The following LOXHD1 variants were observed in gnomAD, a reference collection of about 807,000 sequenced individuals.
LOXHD1 encodes the protein lipoxygenase homology domain-containing protein 1.
In LOXHD1, 205 loss-of-function variants were observed where a neutral mutation model predicts 248.2. The observed-to-expected ratio is 0.83, with a 90% CI of 0.74 to 0.93. LOXHD1 has a LOEUF of 0.93. LOXHD1 is among the 40% of genes least tolerant of loss of function. The pLI is 0.00. For missense variants in LOXHD1, 2,930 were observed against 2,971.6 expected (o/e 0.99, Z 0.33); for synonymous variants, 1,113 against 1,162.8 (o/e 0.96, Z 0.87).
intron 2 of LOXHD1, among the ~76,000 whole-genome samples, chr18:46,642,631 G>T (rs2038977495): frequency 6.6e-6 from 1 of 152,236 alleles, no homozygotes; most frequent in South Asian, 2.1e-4. Context: ...TCCTGCAAAT[G>T]GTGTGAACAG....
chr18:46,592,276 C>A (rs998417331), intron 11 of LOXHD1, among the ~76,000 whole-genome samples: 2 of 53,618 alleles, frequency 3.7e-5, no homozygotes, highest in Admixed American at 2.7e-4. Context: ...GGGCAGAATG[C>A]AAGCCCCCCA....
Position 46,485,139 on chromosome 18 carries a change from A to G in LOXHD1, c.6062T>C (p.Val2021Ala). Residue 2021 changes from valine (V) to alanine (A), a missense_variant, in exon 39 of 41, where the codon GTC (valine) becomes GCC (alanine). Transcript: ENST00000642948. ...TTCGCCTCCGTTGCCCGTTTCTATG[A>G]CGATCTCGTAGGCTGTAATGGAGGA... is the stretch of plus-strand genomic sequence containing the variant. ...DELEETTYEIVIETGNGGETR... is the reference protein window; with the variant it reads ...DELEETTYEIAIETGNGGETR... 6.5e-7 allele frequency: 1 copy of G among 1,548,764 alleles called. No homozygotes were observed. Among genetic ancestry groups the G allele is most frequent in the African/African-American group, 1.4e-5 (1 of 71,976 alleles).
intron 23 of LOXHD1, chr18:46,544,683 C>T: frequency 2.7e-6 from 1 of 376,970 alleles, no homozygotes; most frequent in Non-Finnish European, 5.5e-6. Context: ...CCCAATGTCA[C>T]ACAGCTAATA....
At chr18:46,625,847 C>T (rs1462573941) in intron 4 of LOXHD1, among the ~76,000 whole-genome samples, 2 of 152,154 alleles carry the variant, frequency 1.3e-5, no homozygotes, top group South Asian at 4.1e-4. Flanking sequence ...TTTCCTGCCT[C>T]TCTACGGAAG....
intron 26 of LOXHD1, among the ~76,000 whole-genome samples, chr18:46,535,395 G>GAA (rs1223192252): frequency 6.8e-6 from 1 of 148,114 alleles, no homozygotes; most frequent in African/African-American, 2.5e-5. Context: ...AAAGTCCCCT[G>GAA]AAAAAAAAAA....
intron 1 of LOXHD1, among the ~76,000 whole-genome samples, chr18:46,650,273 G>T (rs1019816902): frequency 1.3e-5 from 2 of 152,178 alleles, no homozygotes; most frequent in Non-Finnish European, 2.9e-5. Context: ...GTACATGTCT[G>T]TACCAAAGTA....
chr18:46,483,691 G>A lies in LOXHD1; in HGVS notation c.6237C>T (p.Ser2079=). 6.4e-7 allele frequency: 1 copy of A among 1,551,764 alleles called. No homozygotes were observed. The highest frequency in any genetic ancestry group is 8.7e-7 in the Non-Finnish European group (1 of 1,147,008). The part of the protein sequence containing the change: ...FDSIYLGDIA[S]LCVGHLARED... ...CCCTGGCAAGGTGGCCCACACAGAG[G>A]GAGGCAATGTCCCCCAAGTAGATGC... is the stretch of plus-strand genomic sequence containing the variant. The change falls in exon 40 of 41, where the codon TCC becomes TCT. Residue 2079 remains serine, a synonymous_variant. Transcript: ENST00000642948.
At position 46,655,169 on chromosome 18, in the gene LOXHD1, C is replaced by T. The variant is rs866592519; in HGVS notation, c.130+1735G>A. Among the ~76,000 whole-genome samples, 4 of 152,250 alleles carry T rather than the reference C, an allele frequency of 2.6e-5. No individual in the cohort carries two copies. The Middle Eastern group carries it at 0.014, about 518-fold the overall frequency. ...TCATGAGATGAAATGGGGCGCTTGC[C>T]TCGAAAAAGATATTTGAGGTTCTTG... On this transcript the variant is annotated intron_variant, in intron 1 of 40. Transcript: ENST00000642948.
chr18:46,537,658 A>G (rs1433799404), intron 26 of LOXHD1, among the ~76,000 whole-genome samples: 1 of 152,172 alleles, frequency 6.6e-6, no homozygotes, highest in Non-Finnish European at 1.5e-5. Context: ...CAGCACCTCC[A>G]TTGTCAAGAC....
In LOXHD1 at chr18:46,477,790, T is replaced by C. The variant is rs955461617; in HGVS notation, c.6504A>G (p.Ala2168=). ...VIVTTGYEPG[A]GTDANVFVTI... is the part of the protein sequence containing the mutation. ...TCACGAAGACGTTGGCATCAGTGCC[T>C]GCCCCTGGCTCATAGCCTGTTGTCA... The change falls in exon 41 of 41, where the codon GCA becomes GCG. Residue 2168 remains alanine (A), a synonymous_variant. Transcript: ENST00000642948. 10 of 1,551,754 alleles carry C rather than the reference T, an allele frequency of 6.4e-6. No homozygotes were observed. The highest frequency in any genetic ancestry group is 8.7e-6 in the Non-Finnish European group (10 of 1,147,046).
chr18:46,577,719 A>G lies in LOXHD1; in HGVS notation c.1958T>C (p.Phe653Ser). 1 of 1,551,226 alleles carries G rather than the reference A, an allele frequency of 6.4e-7. No individual in the cohort carries two copies. Among genetic ancestry groups the G allele is most frequent in the Non-Finnish European group, 8.7e-7 (1 of 1,146,610 alleles). ...EGQPESDNVE[F>S]PCLRWLDKDK... Reference sequence around the variant, plus strand: ...AGGACGCATGTACCTGAGACATGGGAACTCCACGTTGTCGCTCTCAGGCTG... The same window carrying G: ...AGGACGCATGTACCTGAGACATGGGGACTCCACGTTGTCGCTCTCAGGCTG... Residue 653 changes from phenylalanine to serine, a missense_variant, in exon 14 of 41, where the codon TTC becomes TCC. By Grantham distance (155) the Phe-to-Ser change is radical. Transcript: ENST00000642948.
intron 20 of LOXHD1, 33 bp downstream of exon 20, chr18:46,559,415 C>T (rs989936105): frequency 1.3e-6 from 2 of 1,551,808 alleles, no homozygotes; most frequent in African/African-American, 1.4e-5. Flanking sequence ...AAACCCACAG[C>T]CCCCACCCAG....
intron 21 of LOXHD1, among the ~76,000 whole-genome samples, chr18:46,550,645 C>A (rs544978753): frequency 2.0e-5 from 3 of 146,350 alleles, no homozygotes; most frequent in Non-Finnish European, 4.5e-5. Context: ...ACTATAAGGA[C>A]GATCACAGAA....
chr18:46,594,528 G>T, intron 8 of LOXHD1, 62 bp from the exon 9 acceptor site: 1 of 1,541,700 alleles, frequency 6.5e-7, no homozygotes, highest in Non-Finnish European at 8.8e-7. Flanking sequence ...TCTTCGTGAT[G>T]TTCAGCAGGC....
chr18:46,579,401 T>C (rs555834796), intron 13 of LOXHD1, among the ~76,000 whole-genome samples: 1 of 152,126 alleles, frequency 6.6e-6, no homozygotes, highest in Non-Finnish European at 1.5e-5. Flanking sequence ...TATTAGTGAA[T>C]CAGGGCGGGC....
intron 4 of LOXHD1, among the ~76,000 whole-genome samples, chr18:46,633,910 T>A (rs763871679): frequency 9.2e-5 from 14 of 152,296 alleles, no homozygotes; most frequent in Non-Finnish European, 1.6e-4. Flanking sequence ...TCCCACCCAT[T>A]AGGATGGCTA....
intron 37 of LOXHD1, among the ~76,000 whole-genome samples, chr18:46,501,430 G>T (rs2034224734): frequency 2.0e-5 from 3 of 152,136 alleles, no homozygotes; most frequent in Admixed American, 2.0e-4. Context: ...CATAGTGGTT[G>T]GTCCTCAAGC....
chr18:46,621,370 C>A (rs148672485), intron 4 of LOXHD1, among the ~76,000 whole-genome samples: 1 of 152,328 alleles, frequency 6.6e-6, no homozygotes, highest in East Asian at 1.9e-4. Context: ...CCTCTTCAAG[C>A]AGAACCCCAG....
intron 12 of LOXHD1, among the ~76,000 whole-genome samples, chr18:46,580,463 T>C (rs2037941075): frequency 6.6e-6 from 1 of 152,272 alleles, no homozygotes; most frequent in African/African-American, 2.4e-5. Context: ...AAATGTACTG[T>C]GGAGGGGGTA....
Sources: allele counts gnomAD v4.1 joint callset (sites outside exome capture counted in the v4.1 genomes callset), GRCh38; gene constraint gnomAD v4.1.1; transcripts MANE v1.5; gene names NCBI Gene and HGNC (gene_info 2026-07-23, HGNC 2026-07-21).